The following NRG3 variants were observed in gnomAD, a reference collection of about 807,000 sequenced individuals.
NRG3 encodes the protein neuregulin 3.
Under a neutral mutation model 66.9 loss-of-function variants are expected in NRG3, and 31 were observed. That is an observed-to-expected ratio of 0.46 (90% CI 0.35 to 0.63). The LOEUF is 0.63. Among genes scored for constraint, NRG3 ranks in the 20% least tolerant of loss-of-function variants. The pLI is 0.00. For missense variants in NRG3, 910 were observed against 878.9 expected, an observed-to-expected ratio of 1.04 and a Z score of -0.45; for synonymous variants, 393 against 359.4, an observed-to-expected ratio of 1.09 and a Z score of -1.06.
rs905727096 is a variant in NRG3, at chr10:82,611,114, A to G, written c.954-127463A>G. Among the ~76,000 whole-genome samples the G allele has an allele frequency of 2.6e-5, 4 of 152,066 alleles. No individual in the cohort carries two copies. The East Asian group carries it at 7.7e-4, about 29-fold the overall frequency. On this transcript the variant is annotated intron_variant, in intron 2 of 8. Coordinates refer to ENST00000372141, the MANE Select transcript of NRG3 (RefSeq NM_001010848.4). ...ATTTTACTCTGTCATCTCCATAATA[A>G]ATGATGAACATACTTTAACTGTAAC... is the stretch of plus-strand genomic sequence containing the variant.
At chr10:82,886,620 A>G (rs1842739145) in intron 4 of NRG3, among the ~76,000 whole-genome samples, 2 of 152,220 alleles carry the variant, frequency 1.3e-5, no homozygotes, top group African/African-American at 4.8e-5. Flanking sequence ...AATAGTTTAT[A>G]GGATCCTAGC....
intron 2 of NRG3, among the ~76,000 whole-genome samples, chr10:82,436,220 C>T (rs948555189): frequency 6.6e-6 from 1 of 152,164 alleles, no homozygotes; most frequent in African/African-American, 2.4e-5. Flanking sequence ...TCTGGGTGCT[C>T]CTGTATTGGG....
At chr10:82,055,167 T>C (rs560989907) in intron 1 of NRG3, among the ~76,000 whole-genome samples, 4 of 151,878 alleles carry the variant, frequency 2.6e-5, no homozygotes, top group South Asian at 2.1e-4. Context: ...AGAGAGGTCA[T>C]TGGTGATCTT....
intron 2 of NRG3, among the ~76,000 whole-genome samples, chr10:82,472,836 C>G (rs1248991105): frequency 6.6e-6 from 1 of 152,048 alleles, no homozygotes; most frequent in Non-Finnish European, 1.5e-5. Flanking sequence ...TTTTCTTATT[C>G]TTGAAAACAC....
intron 1 of NRG3, among the ~76,000 whole-genome samples, chr10:82,185,602 T>A (rs2073755392): frequency 6.6e-6 from 1 of 152,186 alleles, no homozygotes; most frequent in Non-Finnish European, 1.5e-5. Flanking sequence ...ACAATAAACA[T>A]CTATTCATAC....
At chr10:82,747,926 T>C (rs2058710106) in intron 3 of NRG3, among the ~76,000 whole-genome samples, 1 of 151,848 alleles carries the variant, frequency 6.6e-6, no homozygotes. Flanking sequence ...TTATTATATT[T>C]CTATCTGAAA....
Position 82,082,462 on chromosome 10 carries a change from G to C in NRG3, c.823+206299G>C, listed in dbSNP as rs527248380. ...GTGTTAAGGTTATCGTCTTATGCTA[G>C]ATAGAGCCTGGGAAAGGAGGTGGGT... On this transcript the variant is annotated intron_variant, in intron 1 of 8. Transcript: ENST00000372141. Among the ~76,000 whole-genome samples the C allele has an allele frequency of 3.3e-5, 5 of 152,316 alleles. No homozygotes were observed. The South Asian group carries it at 1.0e-3, about 32-fold the overall frequency.
intron 1 of NRG3, among the ~76,000 whole-genome samples, chr10:82,200,635 G>A (rs2074750685): frequency 6.6e-6 from 1 of 152,098 alleles, no homozygotes; most frequent in South Asian, 2.1e-4. Flanking sequence ...GACGCAAGAG[G>A]AAGAGAGAAA....
chr10:81,926,007 G>T (rs2132928487), intron 1 of NRG3, among the ~76,000 whole-genome samples: 1 of 152,186 alleles, frequency 6.6e-6, no homozygotes, highest in African/African-American at 2.4e-5. Context: ...GGAAAAATTG[G>T]CCGTGGCATA....
intron 2 of NRG3, among the ~76,000 whole-genome samples, chr10:82,414,872 T>G (rs996734284): frequency 5.3e-5 from 8 of 152,180 alleles, no homozygotes; most frequent in Non-Finnish European, 1.2e-4. Context: ...ATTACAGTCT[T>G]GAGGAAGAAC....
At chr10:82,260,408 T>C (rs899229111) in intron 1 of NRG3, among the ~76,000 whole-genome samples, 4 of 152,170 alleles carry the variant, frequency 2.6e-5, no homozygotes, top group African/African-American at 9.7e-5. Flanking sequence ...GTGCCCTGGA[T>C]TAAGTAGAGG....
intron 1 of NRG3, among the ~76,000 whole-genome samples, chr10:82,188,457 T>C (rs904923458): frequency 1.3e-5 from 2 of 151,826 alleles, no homozygotes; most frequent in Non-Finnish European, 2.9e-5. Flanking sequence ...ACAAATGAGA[T>C]CACAAATTGA....
At chr10:82,581,392 C>T (rs2622808) in intron 2 of NRG3, among the ~76,000 whole-genome samples, 83,620 of 151,772 alleles carry the variant, frequency 0.55, 24,517 homozygotes, top group East Asian at 0.8. Context: ...TGGTTTGTCA[C>T]TTAGTTTTCT....
chr10:82,973,640 G>A (rs1044326579), intron 6 of NRG3, 148 bp from the exon 7 acceptor site: 2 of 783,128 alleles, frequency 2.6e-6, no homozygotes, highest in Non-Finnish European at 4.2e-6. Context: ...TTGGAAACAG[G>A]ACACAAATTA....
intron 1 of NRG3, among the ~76,000 whole-genome samples, chr10:82,157,630 G>T (rs2071285561): frequency 6.6e-6 from 1 of 151,528 alleles, no homozygotes; most frequent in South Asian, 2.1e-4. Context: ...AGTCTGTAAG[G>T]GAGAAATGGA....
chr10:82,951,352 A>G (rs111490701), intron 4 of NRG3, 117 bp from the exon 5 acceptor site: 1 of 702,808 alleles, frequency 1.4e-6, no homozygotes, highest in South Asian at 1.8e-5. Context: ...CCTATTTATG[A>G]CAGAAACCAA....
Position 81,964,800 on chromosome 10 carries a change from G to A in NRG3, c.823+88637G>A, listed in dbSNP as rs1336261717. ...TTGATAGGAGAAACAGATATATCCA[G>A]TTGTTGTCTTTCCATTTCCATGTTC... On this transcript the variant is annotated intron_variant, in intron 1 of 8. Transcript: ENST00000372141. Among the ~76,000 whole-genome samples the A allele has an allele frequency of 3.3e-5, 5 of 151,952 alleles. No individual in the cohort carries two copies. The South Asian group carries it at 6.2e-4, about 19-fold the overall frequency.
chr10:82,769,829 C>T (rs530000151), intron 3 of NRG3, among the ~76,000 whole-genome samples: 32 of 152,104 alleles, frequency 2.1e-4, no homozygotes, highest in Non-Finnish European at 3.4e-4. Flanking sequence ...TTTGTGTACA[C>T]GCTCAGACAT....
At chr10:82,983,556 TTC>T (rs1483541902) in intron 8 of NRG3, among the ~76,000 whole-genome samples, 1 of 152,208 alleles carries the variant, frequency 6.6e-6, no homozygotes, top group Admixed American at 6.5e-5. Context: ...TGGGTTTAAA[TTC>T]TCTGTGTGAC....
Sources: allele counts gnomAD v4.1 joint callset (sites outside exome capture counted in the v4.1 genomes callset), GRCh38; gene constraint gnomAD v4.1.1; transcripts MANE v1.5; gene names NCBI Gene and HGNC (gene_info 2026-07-23, HGNC 2026-07-21).